TUT4: variants seen among roughly 807,000 people sequenced by gnomAD.
The protein encoded by TUT4 is terminal uridylyl transferase 4.
A neutral mutation model predicts 192.2 loss-of-function variants in TUT4; 36 were observed. The ratio of observed to expected loss-of-function variants is 0.19; its 90% CI spans 0.14 to 0.25. The LOEUF (loss-of-function observed/expected upper bound fraction) is 0.25, where lower values mean the gene tolerates loss of function less well. Ranked by LOEUF, TUT4 falls within the 10% of genes least tolerant of loss-of-function variation. The pLI is 1.00. For missense variants in TUT4, 1,493 were observed against 1,957.2 expected (o/e 0.76, Z 4.47); for synonymous variants, 618 against 666.0 (o/e 0.93, Z 1.11).
chr1:52,444,973 A>ATATGTGTGTATATATATGTATATACATG (rs1557670925), intron 24 of TUT4, among the ~76,000 whole-genome samples: 33 of 149,728 alleles, frequency 2.2e-4, no homozygotes, highest in Admixed American at 1.0e-3. Context: ...ATATACATGT[A>ATATGTGTGTATATATATGTATATACATG]TATGTGTGTA....
In TUT4 at chr1:52,446,671, C is replaced by T; in HGVS notation, c.3436-4G>A. ...GAATCTGTTTTCCATCAAAGATCTG[C>T]ATAAAAAAATTAATTGTATTATTAG... is the stretch of plus-strand genomic sequence containing the variant. On this transcript the variant is annotated splice_polypyrimidine_tract_variant and splice_region_variant and intron_variant, in intron 20 of 29. Transcript: ENST00000257177. The T allele has an allele frequency of 6.3e-7, 1 of 1,597,136 alleles. No individual in the cohort carries two copies.
At chr1:52,516,150 T>C in intron 2 of TUT4, 96 bp from the exon 3 acceptor site, 1 of 960,610 alleles carries the variant, frequency 1.0e-6, no homozygotes, top group Non-Finnish European at 1.5e-6. Context: ...ACAGAAAAAA[T>C]ATTATTTCCT....
chr1:52,493,044 A>C (rs1039650652), intron 7 of TUT4, among the ~76,000 whole-genome samples: 2 of 152,136 alleles, frequency 1.3e-5, no homozygotes, highest in African/African-American at 4.8e-5. Context: ...AATATTTTTT[A>C]ATTACCCAAA....
chr1:52,539,658 A>C (rs1685958646), intron 1 of TUT4, among the ~76,000 whole-genome samples: 1 of 152,106 alleles, frequency 6.6e-6, no homozygotes, highest in African/African-American at 2.4e-5. Context: ...TGGGAGGCCG[A>C]GGCGGCCTGA....
intron 19 of TUT4, among the ~76,000 whole-genome samples, chr1:52,460,429 C>T (rs977073265): frequency 2.0e-5 from 3 of 152,138 alleles, no homozygotes; most frequent in Non-Finnish European, 4.4e-5. Context: ...TTGCAGTGAG[C>T]TGAGATCCCA....
At chr1:52,491,791 T>A (rs1264035106) in intron 7 of TUT4, among the ~76,000 whole-genome samples, 2 of 152,206 alleles carry the variant, frequency 1.3e-5, no homozygotes, top group Non-Finnish European at 2.9e-5. Flanking sequence ...ATTATTAATT[T>A]AGTCAAAAAA....
At chr1:52,488,796 C>T (rs929935904) in intron 9 of TUT4, 113 bp downstream of exon 9, 46 of 1,156,990 alleles carry the variant, frequency 4.0e-5, no homozygotes, top group Non-Finnish European at 5.1e-5. Context: ...ACTACTTTCT[C>T]CCACATGTTA....
In TUT4 at chr1:52,526,265, T is replaced by C; in HGVS notation, c.16A>G (p.Thr6Ala). Residue 6 changes from threonine to alanine, a missense_variant, in exon 2 of 30, where the codon ACC becomes GCC. By Grantham distance (58) the Thr-to-Ala change is moderately conservative. Coordinates refer to ENST00000257177, the MANE Select transcript of TUT4 (RefSeq NM_001009881.3). Reference sequence around the variant, plus strand: ...GGTTCATGATTTTCACTTTTTAAGGTTTTAGACTCTTCCATTATTTGAAAA... The same window carrying C: ...GGTTCATGATTTTCACTTTTTAAGGCTTTAGACTCTTCCATTATTTGAAAA... MEESK[T>A]LKSENHEPKK... is the part of the protein sequence containing the mutation. 2 of 1,543,442 alleles carry C rather than the reference T, an allele frequency of 1.3e-6. No homozygotes were observed. Among genetic ancestry groups the C allele is most frequent in the Non-Finnish European group, 8.7e-7 (1 of 1,154,822 alleles).
chr1:52,531,412 A>G (rs1184477015), intron 1 of TUT4, among the ~76,000 whole-genome samples: 1 of 152,050 alleles, frequency 6.6e-6, no homozygotes, highest in Non-Finnish European at 1.5e-5. Flanking sequence ...AGTGATCCTG[A>G]AAGCAGAAAT....
rs575409417 is a variant in TUT4, at chr1:52,442,195, T to A, written c.3822+3592A>T. Among the ~76,000 whole-genome samples, 4 of 136,330 alleles carry A rather than the reference T, an allele frequency of 2.9e-5. No homozygotes were observed. In the South Asian group the frequency reaches 8.9e-4, roughly 30 times the overall value. 89.4% of individuals were successfully genotyped at this position (136,330 alleles called of 152,430 possible). On this transcript the variant is annotated intron_variant, in intron 24 of 29. Transcript: ENST00000257177. ...AAAAAAAAAAAAAAGCCAAAGTGTA[T>A]GCTAGAGAGCAGACAAAATGTAAGT...
chr1:52,460,986 A>ATC (rs1475141907), intron 19 of TUT4, 148 bp downstream of exon 19: 1 of 502,574 alleles, frequency 2.0e-6, no homozygotes, highest in African/African-American at 1.9e-5. Flanking sequence ...TCTGATAGGT[A>ATC]TCTATTCAAG....
At position 52,431,565 on chromosome 1, in the gene TUT4, T is replaced by G. The variant is rs374957523; in HGVS notation, c.4264-105A>C. 4.5e-5 allele frequency: 41 copies of G among 913,262 alleles called. No individual in the cohort carries two copies. In the East Asian group the frequency reaches 1.1e-3, roughly 24 times the overall value. 56.6% of individuals were successfully genotyped at this position (913,262 alleles called of 1,614,324 possible). ...AAAAACTTTATAAAACAGAACTCTA[T>G]GATGTATATCATAACAAATAATTAG... On this transcript the variant is annotated intron_variant, in intron 27 of 29. Coordinates refer to ENST00000257177, the MANE Select transcript of TUT4 (RefSeq NM_001009881.3).
At chr1:52,534,776 T>C (rs1460693512) in intron 1 of TUT4, among the ~76,000 whole-genome samples, 1 of 151,584 alleles carries the variant, frequency 6.6e-6, no homozygotes, top group Non-Finnish European at 1.5e-5. Context: ...GGTGGAAGAA[T>C]CACTTGAGCC....
intron 1 of TUT4, chr1:52,538,599 A>G (rs1014107036): frequency 1.3e-5 from 2 of 150,486 alleles, no homozygotes; most frequent in African/African-American, 4.9e-5. Context: ...GTGAGCTGCA[A>G]TCATGCCACT....
intron 1 of TUT4, among the ~76,000 whole-genome samples, chr1:52,539,405 A>G (rs1230533926): frequency 1.3e-5 from 2 of 152,214 alleles, no homozygotes; most frequent in South Asian, 2.1e-4. Flanking sequence ...ACAATGACAG[A>G]TAAGAAATAT....
intron 4 of TUT4, among the ~76,000 whole-genome samples, chr1:52,507,539 G>T (rs778038932): frequency 6.6e-6 from 1 of 151,874 alleles, no homozygotes; most frequent in Non-Finnish European, 1.5e-5. Flanking sequence ...AAAAGTATAC[G>T]TCCTATATGG....
At chr1:52,510,526 C>T (rs1360229584) in intron 3 of TUT4, among the ~76,000 whole-genome samples, 2 of 152,098 alleles carry the variant, frequency 1.3e-5, no homozygotes, top group South Asian at 2.1e-4. Context: ...ACTCCAATCA[C>T]AGTATCATGG....
intron 9 of TUT4, among the ~76,000 whole-genome samples, chr1:52,488,624 T>G (rs1325717257): frequency 6.6e-6 from 1 of 152,216 alleles, no homozygotes; most frequent in Non-Finnish European, 1.5e-5. Flanking sequence ...AACTTGAGCC[T>G]CATATGCTGA....
chr1:52,458,208 G>T (rs1661509812), intron 20 of TUT4, 128 bp downstream of exon 20: 2 of 588,916 alleles, frequency 3.4e-6, no homozygotes, highest in Non-Finnish European at 5.9e-6. Context: ...TAGCATTAAT[G>T]GAAAGAGAAA....
Sources: allele counts gnomAD v4.1 joint callset (sites outside exome capture counted in the v4.1 genomes callset), GRCh38; gene constraint gnomAD v4.1.1; transcripts MANE v1.5; gene names NCBI Gene and HGNC (gene_info 2026-07-23, HGNC 2026-07-21).